DAG1: variants seen among roughly 807,000 people sequenced by gnomAD.
DAG1 encodes the protein dystroglycan 1.
In DAG1, 8 loss-of-function variants were observed where a neutral mutation model predicts 46.1. The observed-to-expected ratio is 0.17, with a 90% CI of 0.10 to 0.31. The LOEUF (loss-of-function observed/expected upper bound fraction) is 0.31. Among genes scored for constraint, DAG1 ranks in the 10% least tolerant of loss-of-function variants. The pLI is 1.00. For missense variants in DAG1, 1,003 were observed against 1,189.9 expected (o/e 0.84, Z 2.31); for synonymous variants, 495 against 481.8 (o/e 1.03, Z -0.36).
chr3:49,526,948 C>T (rs746304886), intron 2 of DAG1, among the ~76,000 whole-genome samples: 20 of 152,188 alleles, frequency 1.3e-4, no homozygotes, highest in African/African-American at 4.6e-4. Context: ...AGGATGGCTT[C>T]GCTGTGGGAG....
intron 2 of DAG1, among the ~76,000 whole-genome samples, chr3:49,526,736 A>G (rs2051182196): frequency 1.3e-5 from 2 of 152,134 alleles, no homozygotes; most frequent in South Asian, 4.1e-4. Flanking sequence ...ATAAATAAAT[A>G]AAATTAAATA....
In DAG1 at chr3:49,530,805, G is replaced by T. The variant is rs752506833; in HGVS notation, c.294G>T (p.Ala98=). The T allele has an allele frequency of 6.2e-7, 1 of 1,614,190 alleles. No homozygotes were observed. Among genetic ancestry groups the T allele is most frequent in the Admixed American group, 1.7e-5 (1 of 60,022 alleles). ...ASSGDIIKVS[A]AGKEALPSWL... is the part of the protein sequence containing the mutation. ...GCTTGTGTCTCTTCTAGGTATCAGC[G>T]GCAGGGAAGGAGGCTTTGCCATCTT... The change falls in exon 3 of 3, where the codon GCG becomes GCT. Residue 98 remains alanine (A), a synonymous_variant. Coordinates refer to ENST00000308775, the MANE Select transcript of DAG1 (RefSeq NM_004393.6).
rs775896527 is a variant in DAG1, at chr3:49,532,580, C to G, written c.2069C>G (p.Pro690Arg). 2 of 1,612,278 alleles carry G rather than the reference C, an allele frequency of 1.2e-6. No homozygotes were observed. Among genetic ancestry groups the G allele is most frequent in the Non-Finnish European group, 1.7e-6 (2 of 1,178,554 alleles). ...RIAEDDGKPRPAFSNALEPDF... is the reference protein window; with the variant it reads ...RIAEDDGKPRRAFSNALEPDF... ...GCTGAGGATGATGGAAAACCTCGGC[C>G]TGCCTTCTCCAACGCCCTAGAGCCT... Residue 690 changes from proline (P) to arginine (R), a missense_variant, in exon 3 of 3, where the codon CCT becomes CGT. Coordinates refer to ENST00000308775, the MANE Select transcript of DAG1 (RefSeq NM_004393.6). The surrounding 1 kb of genome is among the most constrained non-coding windows in gnomAD (Gnocchi z 5.4).
chr3:49,529,750 G>C (rs916940750), intron 2 of DAG1, among the ~76,000 whole-genome samples: 1 of 152,220 alleles, frequency 6.6e-6, no homozygotes, highest in Non-Finnish European at 1.5e-5. Flanking sequence ...ATTGGGGCAG[G>C]AGTAGGTGTT....
chr3:49,491,081 C>T (rs935143648), intron 1 of DAG1, among the ~76,000 whole-genome samples: 5 of 151,904 alleles, frequency 3.3e-5, no homozygotes, highest in South Asian at 2.1e-4. Flanking sequence ...AGACAGGTTT[C>T]GCCATGTTGG....
chr3:49,482,011 AT>A (rs2049894815), intron 1 of DAG1, among the ~76,000 whole-genome samples: 1 of 152,170 alleles, frequency 6.6e-6, no homozygotes, highest in African/African-American at 2.4e-5. Flanking sequence ...TAGAACAACT[AT>A]TTTCATACCA....
chr3:49,481,047 C>T (rs1201495347), intron 1 of DAG1, among the ~76,000 whole-genome samples: 2 of 148,144 alleles, frequency 1.4e-5, no homozygotes, highest in African/African-American at 4.9e-5. Flanking sequence ...AGGCGTGAGC[C>T]ACCACGCCCG....
chr3:49,478,531 T>TA (rs1435529104), intron 1 of DAG1, among the ~76,000 whole-genome samples: 15 of 123,826 alleles, frequency 1.2e-4, no homozygotes, highest in Admixed American at 3.2e-4. Flanking sequence ...CCAAGAGTTT[T>TA]TTTTTTTTTT....
At chr3:49,484,808 T>C (rs972213083) in intron 1 of DAG1, among the ~76,000 whole-genome samples, 1 of 151,772 alleles carries the variant, frequency 6.6e-6, no homozygotes, top group African/African-American at 2.4e-5. Flanking sequence ...TTTTTTTTTT[T>C]TTTTTGAGAC....
At chr3:49,469,795 T>G (rs1458233360), upstream of DAG1, among the ~76,000 whole-genome samples, 1 of 152,212 alleles carries the variant, frequency 6.6e-6, no homozygotes, top group Non-Finnish European at 1.5e-5. Flanking sequence ...CCCCTTGATT[T>G]GCATTCGAAG....
At position 49,533,147 on chromosome 3, in the gene DAG1, G is replaced by A. The variant is rs375194967; in HGVS notation, c.2636G>A (p.Arg879His). 1.4e-5 allele frequency: 22 copies of A among 1,613,922 alleles called. No homozygotes were observed. Among genetic ancestry groups the A allele is most frequent in the South Asian group, 3.3e-5 (3 of 91,082 alleles). ...FTAPMEGKGS[R>H]PKNMTPYRSP... ...GCACCCATGGAGGGCAAGGGCTCCC[G>A]TCCCAAGAACATGACCCCATACCGG... Residue 879 changes from arginine to histidine, a missense_variant, in exon 3 of 3, where the codon CGT (arginine) becomes CAT (histidine). Physicochemically the swap from Arg to His is conservative, Grantham distance 29 (BLOSUM62 0). Coordinates refer to ENST00000308775, the MANE Select transcript of DAG1 (RefSeq NM_004393.6).
At chr3:49,521,244 A>G (rs2051018492) in intron 2 of DAG1, among the ~76,000 whole-genome samples, 1 of 151,762 alleles carries the variant, frequency 6.6e-6, no homozygotes, top group Non-Finnish European at 1.5e-5. Context: ...GCTCACTGCA[A>G]GCTCCGCCTC....
At chr3:49,496,673 C>CTT (rs999554417) in intron 1 of DAG1, among the ~76,000 whole-genome samples, 1 of 142,416 alleles carries the variant, frequency 7.0e-6, no homozygotes. Context: ...ATTTTTTTTT[C>CTT]TTTTTTTTTT....
At position 49,534,544 on chromosome 3, in the gene DAG1, A is replaced by G. The variant is rs1202189794; in HGVS notation, c.*1345A>G. ...GATTTAAAATGGTGATGCTTACAGC[A>G]GTTTGTACGAGCTCTTAAGTGTTGA... On this transcript the variant is annotated 3_prime_UTR_variant, in exon 3 of 3. Transcript: ENST00000308775. The G allele has an allele frequency of 6.6e-6, 1 of 152,638 alleles. No individual in the cohort carries two copies. Among genetic ancestry groups the G allele is most frequent in the Admixed American group, 6.5e-5 (1 of 15,282 alleles). The allele number at this position is 152,638 out of a possible 1,614,324, so 9.5% of individuals were successfully genotyped here. A position where few individuals can be genotyped will look rare whatever the true frequency, so the allele number is the denominator to read the frequency against.
At chr3:49,527,764 T>C (rs983198570) in intron 2 of DAG1, among the ~76,000 whole-genome samples, 3 of 152,172 alleles carry the variant, frequency 2.0e-5, no homozygotes, top group African/African-American at 7.2e-5. Context: ...GTTGCTGACT[T>C]ATCAACACTG....
At chr3:49,486,982 C>T (rs1238708368) in intron 1 of DAG1, among the ~76,000 whole-genome samples, 2 of 152,006 alleles carry the variant, frequency 1.3e-5, no homozygotes, top group African/African-American at 4.8e-5. Flanking sequence ...CTCTGCCTCC[C>T]AGGTTGAAGT....
chr3:49,510,866 A>C, intron 2 of DAG1, 47 bp downstream of exon 2: 1 of 1,604,918 alleles, frequency 6.2e-7, no homozygotes, highest in Non-Finnish European at 8.5e-7. Flanking sequence ...CTCATTTTCC[A>C]TTTTAGTTTT....
chr3:49,503,256 G>T (rs1379368463), intron 1 of DAG1, among the ~76,000 whole-genome samples: 1 of 152,084 alleles, frequency 6.6e-6, no homozygotes. Flanking sequence ...GAACATTTTG[G>T]CCCATCTGAT....
chr3:49,494,879 C>T (rs1358257393), intron 1 of DAG1, among the ~76,000 whole-genome samples: 3 of 152,012 alleles, frequency 2.0e-5, no homozygotes, highest in East Asian at 1.9e-4. Context: ...GTGATCCACC[C>T]GCCTCAGCCT....
Sources: gnomAD v4.1 joint callset for allele counts (sites outside exome capture counted in the v4.1 genomes callset) on GRCh38, gnomAD v4.1.1 for gene constraint, Gnocchi (gnomAD v3.1) non-coding constraint, MANE v1.5 for transcripts, NCBI Gene and HGNC (gene_info 2026-07-23, HGNC 2026-07-21) for gene names.